PPP2R5A: variants seen among roughly 807,000 people sequenced by gnomAD.
The protein encoded by PPP2R5A is serine/threonine-protein phosphatase 2A 56 kDa regulatory subunit alpha isoform.
PPP2R5A carries 25 observed loss-of-function variants against 64.2 expected under a neutral mutation model. That is an observed-to-expected ratio of 0.39 (90% confidence interval 0.28 to 0.54). PPP2R5A has a LOEUF of 0.54. Among genes scored for constraint, PPP2R5A ranks in the 20% least tolerant of loss-of-function variants. The pLI, the probability that PPP2R5A is intolerant of heterozygous loss-of-function variation, is 0.67. For missense variants in PPP2R5A, 425 were observed against 576.3 expected, an observed-to-expected ratio of 0.74 and a Z score of 2.69; for synonymous variants, 198 against 201.2, an observed-to-expected ratio of 0.98 and a Z score of 0.13.
At chr1:212,301,784 G>T in intron 1 of PPP2R5A, 2 of 1,091,724 alleles carry the variant, frequency 1.8e-6, no homozygotes, top group Non-Finnish European at 2.2e-6. Flanking sequence ...GCGTGTCACT[G>T]TAGTGGTATT....
chr1:212,353,365 G>A (rs1313230026), intron 8 of PPP2R5A, among the ~76,000 whole-genome samples: 1 of 152,188 alleles, frequency 6.6e-6, no homozygotes. Context: ...TTCGTTAGAA[G>A]CAAGTCACTA....
At chr1:212,341,702 T>G (rs973889886) in intron 3 of PPP2R5A, among the ~76,000 whole-genome samples, 11 of 152,096 alleles carry the variant, frequency 7.2e-5, no homozygotes, top group Non-Finnish European at 1.0e-4. Context: ...GGAAACCAAA[T>G]GGTGAATATA....
chr1:212,310,306 C>A (rs928583832), intron 1 of PPP2R5A, among the ~76,000 whole-genome samples: 1 of 148,458 alleles, frequency 6.7e-6, no homozygotes, highest in African/African-American at 2.5e-5. Flanking sequence ...TTTTTTTTGT[C>A]TCTCCTGAAA....
chr1:212,334,847 T>C (rs1169526285), intron 3 of PPP2R5A, among the ~76,000 whole-genome samples: 1 of 152,240 alleles, frequency 6.6e-6, no homozygotes, highest in Non-Finnish European at 1.5e-5. Flanking sequence ...AATTTGATTA[T>C]GATGTATCTA....
intron 1 of PPP2R5A, among the ~76,000 whole-genome samples, chr1:212,311,473 A>G (rs1659031800): frequency 6.6e-6 from 1 of 152,206 alleles, no homozygotes; most frequent in South Asian, 2.1e-4. Flanking sequence ...CTCAAAAAAA[A>G]AAAAAGTATA....
intron 1 of PPP2R5A, among the ~76,000 whole-genome samples, chr1:212,288,927 A>G (rs1658553107): frequency 1.3e-5 from 2 of 152,254 alleles, no homozygotes; most frequent in African/African-American, 4.8e-5. Context: ...TCCTCAAACC[A>G]TAGTAAGGAT....
intron 2 of PPP2R5A, among the ~76,000 whole-genome samples, chr1:212,329,721 A>G (rs1285629335): frequency 6.6e-6 from 1 of 152,144 alleles, no homozygotes; most frequent in African/African-American, 2.4e-5. Flanking sequence ...ATCTTGGCTC[A>G]CTGCAACCTC....
intron 1 of PPP2R5A, among the ~76,000 whole-genome samples, chr1:212,311,193 C>T (rs1046527343): frequency 6.6e-6 from 1 of 152,126 alleles, no homozygotes; most frequent in Non-Finnish European, 1.5e-5. Context: ...ATATAGCTGC[C>T]AGGCATGGTG....
At chr1:212,294,249 T>C (rs1047146594) in intron 1 of PPP2R5A, among the ~76,000 whole-genome samples, 2 of 152,208 alleles carry the variant, frequency 1.3e-5, no homozygotes, top group African/African-American at 2.4e-5. Flanking sequence ...TTTGAACTCA[T>C]TGTTAATCCC....
At chr1:212,322,767 A>ATTTC (rs1659333112) in intron 1 of PPP2R5A, among the ~76,000 whole-genome samples, 1 of 149,306 alleles carries the variant, frequency 6.7e-6, no homozygotes, top group Non-Finnish European at 1.5e-5. Flanking sequence ...TTATTTATTT[A>ATTTC]TTTATTTATT....
At position 212,361,443 on chromosome 1, in the gene PPP2R5A, A is replaced by AGAT. The variant is rs1165377744; in HGVS notation, c.*675_*677dup. ...CTCTGCAATTCTCCAGAGTGGTAAC[A>AGAT]GATGGGTAGAGGCAGCTCAGGTGAA... On this transcript the variant is annotated 3_prime_UTR_variant, in exon 13 of 13. Transcript: ENST00000261461. 6.5e-6 allele frequency: 1 copy of AGAT among 152,690 alleles called. No homozygotes were observed. The highest frequency in any genetic ancestry group is 1.5e-5 in the Non-Finnish European group (1 of 68,050). The allele number at this position is 152,690 out of a possible 1,614,324, so 9.5% of individuals were successfully genotyped here.
rs116961988 is a variant in PPP2R5A at position 212,290,911 on chromosome 1, G to A, written c.181+4620G>A. ...TTTCTCTTGATAAAATAACAAAGAT[G>A]AATTAGTCTTTAAGGAGTTATTGCT... is the stretch of plus-strand genomic sequence containing the variant. On this transcript the variant is annotated intron_variant, in intron 1 of 12. Transcript: ENST00000261461. Among the ~76,000 whole-genome samples the A allele has an allele frequency of 2.5e-4, 38 of 152,252 alleles. 2 individuals carry two copies. The East Asian group carries it at 5.8e-3, about 23-fold the overall frequency.
At chr1:212,287,473 C>G (rs1658524478) in intron 1 of PPP2R5A, among the ~76,000 whole-genome samples, 1 of 152,202 alleles carries the variant, frequency 6.6e-6, no homozygotes, top group Admixed American at 6.5e-5. Context: ...CAGATCAAAT[C>G]ACAGTTGACC....
At chr1:212,333,633 A>G (rs756665644) in intron 3 of PPP2R5A, 35 bp downstream of exon 3, 2 of 1,230,118 alleles carry the variant, frequency 1.6e-6, no homozygotes, top group South Asian at 3.0e-5. Flanking sequence ...CAGTTTTTAT[A>G]TTTATGCTAT....
At chr1:212,320,090 C>T (rs532714797) in intron 1 of PPP2R5A, among the ~76,000 whole-genome samples, 4,243 of 151,464 alleles carry the variant, frequency 0.028, 208 homozygotes, top group African/African-American at 0.096. Flanking sequence ...GAGGACCCTG[C>T]GGCCTTCCGC....
At chr1:212,340,834 G>C (rs1571604260) in intron 3 of PPP2R5A, among the ~76,000 whole-genome samples, 1 of 152,102 alleles carries the variant, frequency 6.6e-6, no homozygotes, top group Admixed American at 6.6e-5. Flanking sequence ...GTTGTTACTT[G>C]GTGAATGATA....
chr1:212,313,058 G>A (rs553334735), intron 1 of PPP2R5A, among the ~76,000 whole-genome samples: 2 of 152,134 alleles, frequency 1.3e-5, no homozygotes, highest in Non-Finnish European at 2.9e-5. Context: ...AGCCACCTCA[G>A]TAGCCCTATC....
chr1:212,305,267 A>T (rs1658877611), intron 1 of PPP2R5A, among the ~76,000 whole-genome samples: 1 of 150,144 alleles, frequency 6.7e-6, no homozygotes. Context: ...CTATCTCCTG[A>T]CCTTGTGATC....
intron 8 of PPP2R5A, among the ~76,000 whole-genome samples, chr1:212,354,898 T>C (rs953958007): frequency 6.6e-6 from 1 of 152,240 alleles, no homozygotes; most frequent in African/African-American, 2.4e-5. Context: ...CTGTACAGGT[T>C]TGTAGCCTAG....
Sources: allele counts gnomAD v4.1 joint callset (sites outside exome capture counted in the v4.1 genomes callset), GRCh38; gene constraint gnomAD v4.1.1; transcripts MANE v1.5; gene names NCBI Gene and HGNC (gene_info 2026-07-23, HGNC 2026-07-21).